The following MCC variants were observed in gnomAD, a reference collection of about 807,000 sequenced individuals.
The protein encoded by MCC is MCC regulator of Wnt signaling pathway.
In MCC, 90 loss-of-function variants were observed where a neutral mutation model predicts 116.2. The observed-to-expected ratio is 0.77, with a 90% confidence interval of 0.65 to 0.92. The LOEUF (loss-of-function observed/expected upper bound fraction) is 0.92, where lower values mean the gene tolerates loss of function less well. Ranked by LOEUF, MCC falls within the 40% of genes least tolerant of loss-of-function variation. MCC has a pLI of 0.00. For missense variants in MCC, 1,516 were observed against 1,312.2 expected, an observed-to-expected ratio of 1.16 and a Z score of -2.40; for synonymous variants, 578 against 510.5, an observed-to-expected ratio of 1.13 and a Z score of -1.78.
In MCC at chr5:113,023,321, C is replaced by G. The variant is rs1195586760; in HGVS notation, c.*3981G>C. The G allele has an allele frequency of 1.3e-5, 2 of 152,188 alleles. No homozygotes were observed. The highest frequency in any genetic ancestry group is 3.8e-4 in the East Asian group (2 of 5,206). The allele number at this position is 152,188 out of a possible 1,614,324, so 9.4% of individuals were successfully genotyped here. On this transcript the variant is annotated 3_prime_UTR_variant, in exon 19 of 19. Transcript: ENST00000408903. ...ACCAGTTACGCCTCTTCTGTAAACT[C>G]TATAAGAGTGCTCAAAGGTGAATCA...
intron 3 of MCC, among the ~76,000 whole-genome samples, chr5:113,154,755 CT>C (rs199580365): frequency 0.045 from 6,919 of 152,158 alleles, 198 homozygotes; most frequent in East Asian, 0.09. Context: ...GCAGTTAAAA[CT>C]TTTTTACTGA....
chr5:113,211,202 C>A (rs1423057255), intron 3 of MCC, among the ~76,000 whole-genome samples: 1 of 152,176 alleles, frequency 6.6e-6, no homozygotes, highest in African/African-American at 2.4e-5. Context: ...CCCCAGAGAG[C>A]TCGCTTGTCC....
intron 1 of MCC, among the ~76,000 whole-genome samples, chr5:113,445,080 A>G (rs1315028570): frequency 1.3e-5 from 2 of 152,192 alleles, no homozygotes; most frequent in South Asian, 2.1e-4. Flanking sequence ...AGACACTTCA[A>G]TTCTCTCCAT....
At chr5:113,471,625 C>T (rs370082146) in intron 1 of MCC, among the ~76,000 whole-genome samples, 1 of 152,082 alleles carries the variant, frequency 6.6e-6, no homozygotes, top group African/African-American at 2.4e-5. Flanking sequence ...CAGGGACCCA[C>T]TTGAGGAGGC....
At chr5:113,120,103 T>C (rs1224487195) in intron 6 of MCC, among the ~76,000 whole-genome samples, 1 of 152,252 alleles carries the variant, frequency 6.6e-6, no homozygotes, top group African/African-American at 2.4e-5. Flanking sequence ...GGGATCAGTA[T>C]AGGGCTCACA....
intron 3 of MCC, among the ~76,000 whole-genome samples, chr5:113,196,593 A>G (rs754280130): frequency 6.6e-6 from 1 of 152,210 alleles, no homozygotes; most frequent in Admixed American, 6.5e-5. Context: ...GCTCACGCCT[A>G]TAATCCCAGC....
intron 3 of MCC, among the ~76,000 whole-genome samples, chr5:113,203,974 G>A (rs1412240826): frequency 6.6e-6 from 1 of 152,128 alleles, no homozygotes; most frequent in African/African-American, 2.4e-5. Flanking sequence ...GATGCCGGAC[G>A]CCAAACTGAG....
intron 2 of MCC, among the ~76,000 whole-genome samples, chr5:113,381,173 T>A (rs1468587669): frequency 6.6e-6 from 1 of 152,148 alleles, no homozygotes; most frequent in Non-Finnish European, 1.5e-5. Flanking sequence ...GCAAAGGAAG[T>A]GGGCAGATTC....
At chr5:113,060,861 C>G (rs1753167130) in intron 14 of MCC, among the ~76,000 whole-genome samples, 2 of 152,164 alleles carry the variant, frequency 1.3e-5, no homozygotes. Flanking sequence ...TGGATAGACT[C>G]TCCTGACACA....
At chr5:113,393,060 CTG>C (rs968886947) in intron 1 of MCC, among the ~76,000 whole-genome samples, 117 of 152,168 alleles carry the variant, frequency 7.7e-4, no homozygotes, top group African/African-American at 2.6e-3. Context: ...ATGCTATAAA[CTG>C]TGTATAGATT....
intron 1 of MCC, among the ~76,000 whole-genome samples, chr5:113,483,532 G>A (rs1001114445): frequency 8.6e-5 from 13 of 151,826 alleles, no homozygotes; most frequent in African/African-American, 3.1e-4. Context: ...TCTTATTTTT[G>A]TATATTTCTA....
rs1457561163 is a variant in MCC, at chr5:113,399,379, GGAGGCT to G, written c.171-14173_171-14168del. Among the ~76,000 whole-genome samples, 10 of 152,232 alleles carry G rather than the reference GGAGGCT, an allele frequency of 6.6e-5. No homozygotes were observed. The East Asian group carries it at 1.9e-3, about 29-fold the overall frequency. On this transcript the variant is annotated intron_variant, in intron 1 of 18. Coordinates refer to ENST00000408903, the MANE Select transcript of MCC (RefSeq NM_001085377.2). ...AGGCACCTGTAGTCCCAGCTACTTGGGAGGCTGAGGCAGAAGAATGGAGTGAACCCG... is the reference window on the plus strand; with the variant it reads ...AGGCACCTGTAGTCCCAGCTACTTGGGAGGCAGAAGAATGGAGTGAACCCG...
At chr5:113,131,304 C>T (rs1455470797) in intron 5 of MCC, among the ~76,000 whole-genome samples, 1 of 152,038 alleles carries the variant, frequency 6.6e-6, no homozygotes, top group African/African-American at 2.4e-5. Context: ...TCCATTTCCC[C>T]CATCCCACTA....
At chr5:113,247,806 C>A (rs1026030840) in intron 3 of MCC, among the ~76,000 whole-genome samples, 3 of 152,112 alleles carry the variant, frequency 2.0e-5, no homozygotes, top group African/African-American at 7.2e-5. Flanking sequence ...AGAATGGTGT[C>A]ACCATAACCA....
chr5:113,053,552 G>A (rs757266448), intron 15 of MCC, among the ~76,000 whole-genome samples, 173 bp downstream of exon 15: 16 of 152,068 alleles, frequency 1.1e-4, no homozygotes, highest in Non-Finnish European at 1.6e-4. Context: ...CCAGAAACAC[G>A]CAGCCCAAGT....
At chr5:113,281,010 A>C (rs1766027708) in intron 3 of MCC, among the ~76,000 whole-genome samples, 2 of 152,238 alleles carry the variant, frequency 1.3e-5, no homozygotes, top group Non-Finnish European at 1.5e-5. Context: ...GCAAATGACC[A>C]AACTGCTTAA....
At chr5:113,085,036 A>C in intron 9 of MCC, 128 bp downstream of exon 9, 1 of 1,282,662 alleles carries the variant, frequency 7.8e-7, no homozygotes, top group African/African-American at 1.5e-5. Context: ...AGGCCTGCGT[A>C]AGGTCCCAGG....
intron 3 of MCC, among the ~76,000 whole-genome samples, chr5:113,331,206 CA>C (rs1660601845): frequency 6.8e-6 from 1 of 148,140 alleles, no homozygotes; most frequent in African/African-American, 2.7e-5. Flanking sequence ...AAAAGCATGT[CA>C]ATATTTCAAC....
intron 2 of MCC, among the ~76,000 whole-genome samples, chr5:113,367,627 G>A (rs1181430081): frequency 2.2e-5 from 2 of 91,490 alleles, no homozygotes; most frequent in Non-Finnish European, 4.4e-5. Context: ...GAAGGCAGAG[G>A]GTGGGGGGGG....
Sources: gnomAD v4.1 joint callset for allele counts (sites outside exome capture counted in the v4.1 genomes callset) on GRCh38, gnomAD v4.1.1 for gene constraint, MANE v1.5 for transcripts, NCBI Gene and HGNC (gene_info 2026-07-23, HGNC 2026-07-21) for gene names.